The following TRPM1 variants were observed in gnomAD, a reference collection of about 807,000 sequenced individuals.
The protein encoded by TRPM1 is TRPM1-203 APA Isoform, Intron 10.
Under a neutral mutation model 149.4 loss-of-function variants are expected in TRPM1, and 113 were observed. The observed-to-expected ratio is 0.76, with a 90% CI of 0.65 to 0.88. The LOEUF (loss-of-function observed/expected upper bound fraction) is 0.88, where lower values mean the gene tolerates loss of function less well. Ranked by LOEUF, TRPM1 falls within the 40% of genes least tolerant of loss-of-function variation. The pLI is 0.00. For missense variants in TRPM1, 1,976 were observed against 2,038.7 expected (o/e 0.97, Z 0.59); for synonymous variants, 741 against 759.5 (o/e 0.98, Z 0.40).
intron 2 of TRPM1, among the ~76,000 whole-genome samples, chr15:31,077,953 G>A (rs893246809): frequency 6.6e-5 from 10 of 152,158 alleles, no homozygotes; most frequent in African/African-American, 2.4e-4. Flanking sequence ...CCTGTGTAGT[G>A]TGGCGTGTGC....
rs148503568 is a variant in TRPM1 at position 31,058,891 on chromosome 15, G to A, written c.1263+1653C>T. Among the ~76,000 whole-genome samples, 1,193 of 152,154 alleles carry A rather than the reference G, an allele frequency of 7.8e-3. 17 individuals carry two copies. The highest frequency in any genetic ancestry group is 0.028 in the African/African-American group (1,153 of 41,434). ...GAGGTCAGGAGTTTGAGACCAGCCTGGCCGACATGGTGAAACCCTGTGTCC... is the reference window on the plus strand; with the variant it reads ...GAGGTCAGGAGTTTGAGACCAGCCTAGCCGACATGGTGAAACCCTGTGTCC... On this transcript the variant is annotated intron_variant, in intron 11 of 27. Transcript: ENST00000256552.
chr15:31,042,740 A>G (rs1165096909), intron 16 of TRPM1, among the ~76,000 whole-genome samples: 1 of 152,216 alleles, frequency 6.6e-6, no homozygotes, highest in Non-Finnish European at 1.5e-5. Context: ...GTGTTTTAAG[A>G]AAGCAAACAT....
rs1480614276 is a variant in TRPM1, at chr15:31,077,111, G to A, written c.4-127C>T. The A allele has an allele frequency of 1.6e-5, 11 of 699,360 alleles. No homozygotes were observed. The East Asian group carries it at 3.0e-4, about 19-fold the overall frequency. 43.3% of individuals were successfully genotyped at this position (699,360 alleles called of 1,614,324 possible). ...CTGAATAGTCATCTGCAATAATGGTGGATGCAAGTCTTTAAGGATCTTAGC... is the reference window on the plus strand; with the variant it reads ...CTGAATAGTCATCTGCAATAATGGTAGATGCAAGTCTTTAAGGATCTTAGC... On this transcript the variant is annotated intron_variant, in intron 2 of 27. Transcript: ENST00000256552.
In TRPM1 at chr15:31,113,801, G is replaced by T. The variant is rs112944758; in HGVS notation, c.55-36817C>A. On this transcript the variant is annotated intron_variant, in intron 1 of 26. Coordinates refer to the TRPM1 transcript ENST00000542188. ...CTCTTAAAGGTGGCAAGGACCCACA[G>T]TTAGCAACAGCAAGATTTATTGTGA... Among the ~76,000 whole-genome samples, 19 of 152,308 alleles carry T rather than the reference G, an allele frequency of 1.2e-4. No individual in the cohort carries two copies. In the East Asian group the frequency reaches 3.1e-3, roughly 25 times the overall value.
chr15:31,031,310 A>G, intron 22 of TRPM1, 153 bp from the exon 23 acceptor site: 1 of 813,354 alleles, frequency 1.2e-6, no homozygotes, highest in Non-Finnish European at 2.0e-6. Flanking sequence ...ATCCCTGGGA[A>G]GGCTTTTTCC....
At position 31,040,981 on chromosome 15, in the gene TRPM1, T is replaced by C. The variant is rs1248577340; in HGVS notation, c.2088-635A>G. Among the ~76,000 whole-genome samples, 1 of 152,088 alleles carries C rather than the reference T, an allele frequency of 6.6e-6. No homozygotes were observed. Among genetic ancestry groups the C allele is most frequent in the South Asian group, 2.1e-4 (1 of 4,830 alleles). On this transcript the variant is annotated intron_variant, in intron 17 of 27. Transcript: ENST00000256552. This position sits in a 1 kb window ranked among gnomAD's most constrained non-coding sequence, Gnocchi z 4.2. The stretch of plus-strand genomic sequence containing the variant: ...TCAGTGCTATGACAGGGATGAGGCA[T>C]AGTTGTCATAGGGCCCAGGCCAGAG...
chr15:31,103,530 T>A (rs1017152097), upstream of TRPM1, among the ~76,000 whole-genome samples: 1 of 152,078 alleles, frequency 6.6e-6, no homozygotes, highest in Admixed American at 6.5e-5. Flanking sequence ...TACTAGAAAA[T>A]TTTAAATTGG....
chr15:31,071,918 C>T (rs533892778), intron 3 of TRPM1, among the ~76,000 whole-genome samples: 2 of 138,308 alleles, frequency 1.4e-5, no homozygotes, highest in African/African-American at 5.4e-5. Flanking sequence ...GAGCCGGGAT[C>T]GTGGCACTGC....
chr15:31,060,526 GA>G lies in TRPM1; in HGVS notation c.1263+17del. 7 of 1,599,008 alleles carry G rather than the reference GA, an allele frequency of 4.4e-6. No individual in the cohort carries two copies. The highest frequency in any genetic ancestry group is 1.1e-5 in the South Asian group (1 of 90,618). On this transcript the variant is annotated intron_variant, in intron 11 of 27. Transcript: ENST00000256552. The stretch of plus-strand genomic sequence containing the variant: ...AAAGTCAAGATCAATGATATGAATC[GA>G]AAAAAAACAGTTTCACCGGCCAGTG...
In TRPM1 at chr15:31,070,008, CCAT is replaced by C; in HGVS notation, c.279+20_279+22del. On this transcript the variant is annotated intron_variant, in intron 4 of 27. Coordinates refer to ENST00000256552, the MANE Select transcript of TRPM1 (RefSeq NM_001252024.2). ...AATGAAAGCTGTGATCCTAGTGGCA[CCAT>C]GTCTGAATGCCTTTCTCACCATGGC... 2 of 1,614,158 alleles carry C rather than the reference CCAT, an allele frequency of 1.2e-6. No homozygotes were observed. Among genetic ancestry groups the C allele is most frequent in the Non-Finnish European group, 1.7e-6 (2 of 1,180,024 alleles).
intron 1 of TRPM1, among the ~76,000 whole-genome samples, chr15:31,155,138 A>G (rs1297713006): frequency 2.6e-5 from 4 of 152,112 alleles, no homozygotes; most frequent in Non-Finnish European, 4.4e-5. Context: ...AACACAGCCT[A>G]TGTGAGCGTA....
At chr15:31,019,564 G>A (rs1401231576) in intron 27 of TRPM1, among the ~76,000 whole-genome samples, 6 of 152,104 alleles carry the variant, frequency 3.9e-5, no homozygotes, top group Non-Finnish European at 8.8e-5. Context: ...ACCACTCCCA[G>A]CTAATTTTTG....
At chr15:31,142,169 C>A (rs943609089) in intron 1 of TRPM1, among the ~76,000 whole-genome samples, 1 of 152,034 alleles carries the variant, frequency 6.6e-6, no homozygotes, top group Non-Finnish European at 1.5e-5. Flanking sequence ...TTTTGAAATT[C>A]TTTGTAAAAG....
At chr15:31,132,443 C>T (rs2036029252) in intron 1 of TRPM1, among the ~76,000 whole-genome samples, 1 of 152,214 alleles carries the variant, frequency 6.6e-6, no homozygotes, top group Non-Finnish European at 1.5e-5. Flanking sequence ...ACAGAGTAGC[C>T]ACTGGCTACC....
intron 27 of TRPM1, among the ~76,000 whole-genome samples, chr15:31,010,900 T>G (rs1419970945): frequency 3.9e-5 from 6 of 152,226 alleles, no homozygotes; most frequent in Non-Finnish European, 8.8e-5. Flanking sequence ...AACTATCTGC[T>G]TCTCCCTTCA....
At chr15:31,050,300 T>C in intron 12 of TRPM1, 109 bp downstream of exon 12, 3 of 1,521,142 alleles carry the variant, frequency 2.0e-6, no homozygotes, top group Non-Finnish European at 2.7e-6. Flanking sequence ...CCTTTACCCG[T>C]CCCTCCTGGG....
intron 22 of TRPM1, among the ~76,000 whole-genome samples, chr15:31,031,811 T>C (rs16956469): frequency 0.18 from 27,934 of 152,014 alleles, 3,498 homozygotes; most frequent in African/African-American, 0.36. Context: ...GACCTGCTGG[T>C]TCATTTTCAG....
chr15:31,098,109 G>C (rs1324121045), intron 1 of TRPM1, among the ~76,000 whole-genome samples: 2 of 152,140 alleles, frequency 1.3e-5, no homozygotes, highest in African/African-American at 4.8e-5. Context: ...TGTGGCGCGT[G>C]TGCTATTTCT....
chr15:31,126,000 C>T (rs1355520137), intron 1 of TRPM1, among the ~76,000 whole-genome samples: 1 of 151,412 alleles, frequency 6.6e-6, no homozygotes, highest in African/African-American at 2.4e-5. Context: ...GGCATGGTGG[C>T]GGGCACCCGT....
Sources: gnomAD v4.1 joint callset for allele counts (sites outside exome capture counted in the v4.1 genomes callset) on GRCh38, gnomAD v4.1.1 for gene constraint, Gnocchi (gnomAD v3.1) non-coding constraint, MANE v1.5 for transcripts, NCBI Gene and HGNC (gene_info 2026-07-23, HGNC 2026-07-21) for gene names.